ZNF106: variants seen among roughly 807,000 people sequenced by gnomAD.
The protein encoded by ZNF106 is zinc finger protein 106, also known as SH3-domain binding protein 3.
ZNF106 carries 67 observed loss-of-function variants against 195.1 expected under a neutral mutation model. The ratio of observed to expected loss-of-function variants is 0.34; its 90% CI spans 0.28 to 0.42. The LOEUF (loss-of-function observed/expected upper bound fraction) is 0.42. Ranked by LOEUF, ZNF106 falls within the 10% of genes least tolerant of loss-of-function variation. The pLI, the probability that ZNF106 is intolerant of heterozygous loss-of-function variation, is 1.00. For missense variants in ZNF106, 2,118 were observed against 2,304.5 expected (o/e 0.92, Z 1.66); for synonymous variants, 784 against 818.6 (o/e 0.96, Z 0.72).
intron 1 of ZNF106, among the ~76,000 whole-genome samples, chr15:42,480,922 T>C (rs111986850): frequency 0.12 from 17,559 of 151,998 alleles, 1,278 homozygotes; most frequent in African/African-American, 0.19. Flanking sequence ...GAGGCAGAGG[T>C]TGCAGTGAAC....
At chr15:42,486,151 G>C (rs1261188652) in intron 1 of ZNF106, among the ~76,000 whole-genome samples, 1 of 151,970 alleles carries the variant, frequency 6.6e-6, no homozygotes, top group Non-Finnish European at 1.5e-5. Flanking sequence ...AGTAGAGATA[G>C]AGTTTCACTA....
intron 1 of ZNF106, among the ~76,000 whole-genome samples, chr15:42,483,242 C>G (rs2056942215): frequency 6.6e-6 from 1 of 152,152 alleles, no homozygotes; most frequent in African/African-American, 2.4e-5. Flanking sequence ...TAGTTGTTAT[C>G]TGTGGGGGCA....
chr15:42,451,532 T>C lies in ZNF106; in HGVS notation c.740A>G (p.Asn247Ser), dbSNP rs1201472809. 2 of 1,614,198 alleles carry C rather than the reference T, an allele frequency of 1.2e-6. No individual in the cohort carries two copies. Among genetic ancestry groups the C allele is most frequent in the Non-Finnish European group, 1.7e-6 (2 of 1,180,024 alleles). The part of the protein sequence containing the change: ...SSWHMNNSNG[N>S]WKSSVRSTNN... ...TGTACTACGTACACTGGATTTCCAGTTTCCGTTACTGTTGTTCATATGCCA... is the reference window on the plus strand; with the variant it reads ...TGTACTACGTACACTGGATTTCCAGCTTCCGTTACTGTTGTTCATATGCCA... The change falls in exon 5 of 22, where the codon AAC becomes AGC. Residue 247 changes from asparagine to serine, a missense_variant. Physicochemically the swap from Asn to Ser is conservative, Grantham distance 46 (BLOSUM62 1). Coordinates refer to ENST00000564754, the MANE Select transcript of ZNF106 (RefSeq NM_001366845.3).
chr15:42,420,644 C>T (rs1352368446), intron 20 of ZNF106, among the ~76,000 whole-genome samples: 1 of 152,094 alleles, frequency 6.6e-6, no homozygotes, highest in Non-Finnish European at 1.5e-5. Context: ...GGTTAATCAT[C>T]AGTCCTAACC....
At position 42,469,430 on chromosome 15, in the gene ZNF106, G is replaced by C. The variant is rs528139705; in HGVS notation, c.54+2806C>G. 2.0e-5 allele frequency among the ~76,000 whole-genome samples: 3 copies of C among 151,850 alleles called. No individual in the cohort carries two copies. The East Asian group carries it at 5.8e-4, about 29-fold the overall frequency. On this transcript the variant is annotated intron_variant, in intron 2 of 21. Coordinates refer to ENST00000564754, the MANE Select transcript of ZNF106 (RefSeq NM_001366845.3). The stretch of plus-strand genomic sequence containing the variant: ...CACTAATAGTTTTAATGTGACTTTT[G>C]TTTTTTTTAAAACACTTCACTAATC...
chr15:42,473,987 A>T (rs186725882), intron 1 of ZNF106, among the ~76,000 whole-genome samples: 8 of 152,234 alleles, frequency 5.3e-5, no homozygotes, highest in Non-Finnish European at 8.8e-5. Context: ...AAGGCCAGGT[A>T]AAAAAAGAAC....
intron 20 of ZNF106, among the ~76,000 whole-genome samples, chr15:42,418,165 T>C (rs1387065322): frequency 6.6e-6 from 1 of 152,196 alleles, no homozygotes; most frequent in African/African-American, 2.4e-5. Flanking sequence ...CTTTTGATAT[T>C]TTGAGAGGGC....
rs1436139732 is a variant in ZNF106 at position 42,438,884 on chromosome 15, C to T, written c.4544+149G>A. 1.3e-5 allele frequency: 13 copies of T among 976,298 alleles called. No individual in the cohort carries two copies. The African/African-American group carries it at 1.7e-4, about 12-fold the overall frequency. The allele number at this position is 976,298 out of a possible 1,614,324, so 60.5% of individuals were successfully genotyped here. ...AAGAGAAAGCAGAAAATCTCTACTG[C>T]TGAGCTTTAATTTTTCCATATCCAC... On this transcript the variant is annotated intron_variant, in intron 11 of 21. Transcript: ENST00000564754.
At chr15:42,432,013 T>C (rs987733701) in intron 14 of ZNF106, among the ~76,000 whole-genome samples, 2 of 152,240 alleles carry the variant, frequency 1.3e-5, no homozygotes, top group Admixed American at 6.5e-5. Context: ...AACTGTGAAT[T>C]TGTCTACTCC....
intron 9 of ZNF106, among the ~76,000 whole-genome samples, chr15:42,442,792 T>A (rs1249914504): frequency 6.6e-6 from 1 of 151,718 alleles, no homozygotes; most frequent in Non-Finnish European, 1.5e-5. Flanking sequence ...ATTATTGTTA[T>A]TATTTTTTTG....
intron 1 of ZNF106, among the ~76,000 whole-genome samples, chr15:42,480,435 T>C (rs373861875): frequency 2.6e-5 from 4 of 152,268 alleles, no homozygotes; most frequent in Non-Finnish European, 4.4e-5. Context: ...TTTGTCTTTA[T>C]GCATTAAATC....
At chr15:42,455,330 T>C (rs1010714659) in intron 4 of ZNF106, among the ~76,000 whole-genome samples, 2 of 152,228 alleles carry the variant, frequency 1.3e-5, no homozygotes, top group African/African-American at 4.8e-5. Flanking sequence ...TTATGTTTCA[T>C]ATACACCTTT....
intron 15 of ZNF106, among the ~76,000 whole-genome samples, chr15:42,427,306 T>C (rs765655064): frequency 1.3e-5 from 2 of 152,218 alleles, no homozygotes; most frequent in African/African-American, 4.8e-5. Context: ...ATGTCTCTCA[T>C]ACTTTACAGC....
intron 14 of ZNF106, among the ~76,000 whole-genome samples, chr15:42,430,442 T>C (rs1026331536): frequency 6.6e-6 from 1 of 152,092 alleles, no homozygotes; most frequent in Non-Finnish European, 1.5e-5. Flanking sequence ...TGCAGTGACG[T>C]GATTACTGCT....
intron 7 of ZNF106, 70 bp downstream of exon 7, chr15:42,446,519 A>C: frequency 7.8e-7 from 1 of 1,289,370 alleles, no homozygotes. Flanking sequence ...GGAGGTTACC[A>C]AAAACCCGCA....
intron 2 of ZNF106, among the ~76,000 whole-genome samples, chr15:42,470,203 G>A (rs367986451): frequency 7.8e-4 from 118 of 152,060 alleles, no homozygotes; most frequent in African/African-American, 2.7e-3. Context: ...TATGTTAATG[G>A]GCCTCAGGAT....
intron 14 of ZNF106, among the ~76,000 whole-genome samples, chr15:42,430,940 C>G (rs1305429108): frequency 6.6e-6 from 1 of 151,948 alleles, no homozygotes; most frequent in Non-Finnish European, 1.5e-5. Context: ...CCACTGTGCC[C>G]AGCCTCTTTT....
At chr15:42,458,865 T>C (rs1412390746) in intron 3 of ZNF106, among the ~76,000 whole-genome samples, 1 of 151,836 alleles carries the variant, frequency 6.6e-6, no homozygotes, top group African/African-American at 2.4e-5. Context: ...GCATAGACAC[T>C]CTTGTTTAGG....
intron 4 of ZNF106, among the ~76,000 whole-genome samples, chr15:42,455,602 G>A (rs2056200289): frequency 1.3e-5 from 2 of 152,052 alleles, no homozygotes; most frequent in South Asian, 2.1e-4. Context: ...GGCTTCCTAT[G>A]TTGCCCAGGC....
Sources: allele counts gnomAD v4.1 joint callset (sites outside exome capture counted in the v4.1 genomes callset), GRCh38; gene constraint gnomAD v4.1.1; transcripts MANE v1.5; gene names NCBI Gene and HGNC (gene_info 2026-07-23, HGNC 2026-07-21).